GRIPAP1: variants seen among roughly 807,000 people sequenced by gnomAD.
GRIPAP1 encodes the protein GRIP1-associated protein 1.
Under a neutral mutation model 84.1 loss-of-function variants are expected in GRIPAP1, and 14 were observed. The observed-to-expected ratio is 0.17, with a 90% CI of 0.11 to 0.26. The LOEUF (loss-of-function observed/expected upper bound fraction) is 0.26, where lower values mean the gene tolerates loss of function less well. Among genes scored for constraint, GRIPAP1 ranks in the 10% least tolerant of loss-of-function variants. The pLI is 1.00. For missense variants in GRIPAP1, 518 were observed against 674.2 expected (o/e 0.77, Z 2.57); for synonymous variants, 261 against 256.8 (o/e 1.02, Z -0.15).
At chrX:48,997,666 G>A (rs782388517) in intron 4 of GRIPAP1, among the ~76,000 whole-genome samples, 1 of 107,709 alleles carries the variant, frequency 9.3e-6, no homozygotes, top group East Asian at 2.9e-4. Flanking sequence ...AAGGGGAGAG[G>A]GATTGGGAGG....
At chrX:48,990,127 T>G (rs1404457050) in intron 8 of GRIPAP1, 124 bp from the exon 9 acceptor site, 1 of 551,954 alleles carries the variant, frequency 1.8e-6, no homozygotes, top group African/African-American at 2.3e-5. Flanking sequence ...TATGTTGTCT[T>G]GTGGAATCCT....
chrX:48,991,298 GAGACA>G, intron 6 of GRIPAP1, 188 bp from the exon 7 acceptor site: 2 of 410,957 alleles, frequency 4.9e-6, no homozygotes, highest in Non-Finnish European at 8.5e-6. Context: ...TTTTTTTTTT[GAGACA>G]GGGACTTGCT....
intron 21 of GRIPAP1, among the ~76,000 whole-genome samples, chrX:48,978,781 C>T (rs1454618122): frequency 4.6e-5 from 5 of 108,644 alleles, no homozygotes; most frequent in Non-Finnish European, 7.6e-5. Context: ...GTAATTCCAG[C>T]GATTCAGGAG....
chrX:49,002,232 TCCTCCCC>T lies in GRIPAP1; in HGVS notation c.-10_-4del. 1.8e-6 allele frequency: 2 copies of T among 1,130,783 alleles called. No homozygotes were observed. The highest frequency in any genetic ancestry group is 2.4e-6 in the Non-Finnish European group (2 of 830,443). The allele number at this position is 1,130,783 out of a possible 1,213,427, so 93.2% of individuals were successfully genotyped here. Reference sequence around the variant, plus strand: ...TCCTCAGACAGAGCTTGCGCCATGTTCCTCCCCCCACCCCCCCGCCAGCTTTCTGCGC... The same window carrying T: ...TCCTCAGACAGAGCTTGCGCCATGTTCCACCCCCCCGCCAGCTTTCTGCGC... On this transcript the variant is annotated 5_prime_UTR_variant, in exon 1 of 26. Coordinates refer to ENST00000376423, the MANE Select transcript of GRIPAP1 (RefSeq NM_020137.5).
chrX:48,981,368 G>C, intron 20 of GRIPAP1, 48 bp downstream of exon 20: 1 of 1,199,860 alleles, frequency 8.3e-7, no homozygotes, highest in Non-Finnish European at 1.1e-6. Context: ...CCATAGGAGG[G>C]AGGCTACAGG....
intron 5 of GRIPAP1, among the ~76,000 whole-genome samples, chrX:48,995,584 G>T (rs1231934315): frequency 9.0e-6 from 1 of 110,928 alleles, no homozygotes. Flanking sequence ...AGGGCCACAG[G>T]GTGGATATAA....
chrX:48,975,223 G>A lies in GRIPAP1; in HGVS notation c.2365C>T (p.Arg789Trp). Residue 789 changes from arginine (R) to tryptophan (W), a missense_variant, in exon 25 of 26, where the codon CGG becomes TGG. Coordinates refer to ENST00000376423, the MANE Select transcript of GRIPAP1 (RefSeq NM_020137.5). Reference protein sequence around the residue: ...DLVKPGDENLREMNKKLQNML... With the variant: ...DLVKPGDENLWEMNKKLQNML... ...TTCTGCAGCTTCTTGTTCATCTCCC[G>A]AAGGTTCTCGTCACCTGGCTTCACT... is the stretch of plus-strand genomic sequence containing the variant. The A allele has an allele frequency of 1.7e-6, 2 of 1,210,376 alleles. No individual in the cohort carries two copies. Among genetic ancestry groups the A allele is most frequent in the Non-Finnish European group, 2.2e-6 (2 of 894,495 alleles).
intron 19 of GRIPAP1, 46 bp downstream of exon 19, chrX:48,981,550 C>T (rs782091575): frequency 2.5e-5 from 29 of 1,161,874 alleles, no homozygotes; most frequent in Non-Finnish European, 3.1e-5. Context: ...CCCTCCTGTA[C>T]GCTGAGGATC....
At chrX:48,998,812 A>G (rs1201278310) in intron 3 of GRIPAP1, among the ~76,000 whole-genome samples, 1 of 111,984 alleles carries the variant, frequency 8.9e-6, no homozygotes, top group African/African-American at 3.2e-5. Context: ...AGGGGCCACA[A>G]TAGGTTATAT....
rs969797168 is a variant in GRIPAP1, at chrX:48,988,252, T to C, written c.871-54A>G. The C allele has an allele frequency of 1.3e-5, 11 of 870,466 alleles. No individual in the cohort carries two copies. In the African/African-American group the frequency reaches 2.2e-4, roughly 17 times the overall value. The allele number at this position is 870,466 out of a possible 1,213,427, so 71.7% of individuals were successfully genotyped here. On this transcript the variant is annotated intron_variant, in intron 11 of 25. Transcript: ENST00000376423. ...ACCTCAGCCTCTCCTGGGGTGCATA[T>C]AACCGTACAGACTCTCTGTTTGACC...
At position 48,987,827 on chromosome X, in the gene GRIPAP1, A is replaced by G; in HGVS notation, c.999T>C (p.Ala333=). ...GGCTAGTCCTCAAGGCATTGTTCTC[A>G]GCCAAAAGCCCTTCCACTTGTTCCT... is the stretch of plus-strand genomic sequence containing the variant. ...DAQEQVEGLL[A]ENNALRTSLA... The change falls in exon 13 of 26, where the codon GCT becomes GCC. Residue 333 remains alanine (A), a synonymous_variant. Transcript: ENST00000376423. The G allele has an allele frequency of 1.7e-6, 2 of 1,205,137 alleles. No homozygotes were observed. Among genetic ancestry groups the G allele is most frequent in the Non-Finnish European group, 2.2e-6 (2 of 890,921 alleles).
At chrX:49,000,029 C>T (rs1297151751) in intron 1 of GRIPAP1, among the ~76,000 whole-genome samples, 4 of 110,221 alleles carry the variant, frequency 3.6e-5, no homozygotes, top group Admixed American at 9.7e-5. Flanking sequence ...TCCAGGGTCC[C>T]CCCACCTCCA....
Position 48,981,840 on chromosome X carries a change from C to T in GRIPAP1, c.1632G>A (p.Glu544=), listed in dbSNP as rs1456616968. 8 of 1,167,639 alleles carry T rather than the reference C, an allele frequency of 6.9e-6. No homozygotes were observed. The highest frequency in any genetic ancestry group is 3.8e-5 in the South Asian group (2 of 52,862). The change falls in exon 18 of 26, where the codon GAG becomes GAA. Residue 544 remains glutamate, a synonymous_variant. Coordinates refer to ENST00000376423, the MANE Select transcript of GRIPAP1 (RefSeq NM_020137.5). ...GCTCCCGACACTGCTTGAGGGCTTC[C>T]TCTTGTTCCTGCTGCTGCTGCTGCA... ...ESLQQQQQEQ[E]EALKQCREQH...
Position 48,993,492 on chromosome X carries a change from G to A in GRIPAP1, c.393C>T (p.Pro131=). 8.4e-7 allele frequency: 1 copy of A among 1,190,603 alleles called. No individual in the cohort carries two copies. The highest frequency in any genetic ancestry group is 1.1e-6 in the Non-Finnish European group (1 of 885,073). Residue 131 remains proline (P), a synonymous_variant, in exon 6 of 26, where the codon CCC becomes CCT. Coordinates refer to ENST00000376423, the MANE Select transcript of GRIPAP1 (RefSeq NM_020137.5). ...GCCTCAGCAGCTCCCCATCCACGAG[G>A]GGCCCAGCTTGGGCAACCCCTGCTC... The part of the protein sequence containing the change: ...AAGAGVAQAG[P]LVDGELLRLQ...
intron 1 of GRIPAP1, 142 bp downstream of exon 1, chrX:49,002,046 A>G: frequency 2.4e-6 from 1 of 415,691 alleles, no homozygotes; most frequent in Non-Finnish European, 4.3e-6. Flanking sequence ...CACCACTCCG[A>G]GCCTCAGTTT....
rs2064509642 is a variant in GRIPAP1, at chrX:48,989,650, T to G, written c.831A>C (p.Arg277=). 1 of 1,207,112 alleles carries G rather than the reference T, an allele frequency of 8.3e-7. No individual in the cohort carries two copies. Among genetic ancestry groups the G allele is most frequent in the African/African-American group, 1.7e-5 (1 of 57,668 alleles). ...CAAGTTCCTGCTGCAGCTTCTGGGT[T>G]CGAGCCAACTGGGCTTTGTGATCAG... ...KEADHKAQLA[R]TQKLQQELEA... The change falls in exon 11 of 26, where the codon CGA becomes CGC. Residue 277 remains arginine (R), a synonymous_variant. Coordinates refer to ENST00000376423, the MANE Select transcript of GRIPAP1 (RefSeq NM_020137.5).
Position 48,997,263 on chromosome X carries a change from G to C in GRIPAP1, c.293C>G (p.Ala98Gly), listed in dbSNP as rs371110226. 7.9e-6 allele frequency: 9 copies of C among 1,143,289 alleles called. No individual in the cohort carries two copies. Among genetic ancestry groups the C allele is most frequent in the African/African-American group, 1.8e-5 (1 of 55,940 alleles). The allele number at this position is 1,143,289 out of a possible 1,213,427, so 94.2% of individuals were successfully genotyped here. Residue 98 changes from alanine to glycine, a missense_variant, in exon 5 of 26, where the codon GCC (alanine) becomes GGC (glycine). Around this residue, in one of 5 missense-constraint regions of GRIPAP1, gnomAD observed 372 missense variants for 458.1 expected, o/e 0.81. Coordinates refer to ENST00000376423, the MANE Select transcript of GRIPAP1 (RefSeq NM_020137.5). ...DFRLQNSTLM[A>G]EFSKLCSQME... ...AGGCACCAGCACCTTGCTGAACTCG[G>C]CCATTAGTGTGCTGTTCTGCAAACG...
chrX:48,990,870 A>G, intron 7 of GRIPAP1, 56 bp downstream of exon 7: 2 of 1,035,174 alleles, frequency 1.9e-6, no homozygotes, highest in African/African-American at 1.8e-5. Flanking sequence ...CTATAGACAG[A>G]GGTAGAACAT....
intron 14 of GRIPAP1, among the ~76,000 whole-genome samples, chrX:48,984,489 G>A (rs935193101): frequency 1.8e-5 from 2 of 109,795 alleles, no homozygotes; most frequent in Non-Finnish European, 1.9e-5. Context: ...AGGCTGAGCC[G>A]GGTAGATCTC....
Sources: gnomAD v4.1 joint callset for allele counts (sites outside exome capture counted in the v4.1 genomes callset) on GRCh38, gnomAD v4.1.1 for gene constraint, gnomAD v4.1.1 regional missense constraint, MANE v1.5 for transcripts, NCBI Gene and HGNC (gene_info 2026-07-23, HGNC 2026-07-21) for gene names.